GNG7: variants seen among roughly 807,000 people sequenced by gnomAD.
GNG7 encodes G protein subunit gamma 7.
A neutral mutation model predicts 4.0 loss-of-function variants in GNG7; 1 was observed. That is an observed-to-expected ratio of 0.25 (90% CI 0.09 to 1.18). GNG7 has a LOEUF of 1.18. GNG7 is among the 50% of genes most tolerant of loss of function. The pLI is 0.50. For synonymous variants in GNG7, 34 were observed against 36.9 expected, an observed-to-expected ratio of 0.92 and a Z score of 0.29; for missense variants, 86 against 91.9, an observed-to-expected ratio of 0.94 and a Z score of 0.26.
At chr19:2,690,306 G>A (rs1183950284) in intron 1 of GNG7, among the ~76,000 whole-genome samples, 1 of 150,478 alleles carries the variant, frequency 6.6e-6, no homozygotes, top group African/African-American at 2.5e-5. Flanking sequence ...GGCCTGAACC[G>A]GGAGGCAGAG....
chr19:2,626,734 T>C lies in GNG7; in HGVS notation c.-78+19490A>G, dbSNP rs981535515. Among the ~76,000 whole-genome samples, 4 of 152,142 alleles carry C rather than the reference T, an allele frequency of 2.6e-5. No individual in the cohort carries two copies. In the East Asian group the frequency reaches 7.7e-4, roughly 29 times the overall value. The stretch of plus-strand genomic sequence containing the variant: ...TGTCCCCTCAGGGGACACTGGGCGG[T>C]GTCGGGGGACATCTGTAATTGTCAT... On this transcript the variant is annotated intron_variant, in intron 2 of 4. Transcript: ENST00000382159. This position sits in a 1 kb window ranked among gnomAD's most constrained non-coding sequence, Gnocchi z 5.0.
chr19:2,695,490 A>G (rs1234330686), intron 1 of GNG7, among the ~76,000 whole-genome samples: 1 of 152,176 alleles, frequency 6.6e-6, no homozygotes, highest in East Asian at 1.9e-4. Context: ...AAATAGGCAC[A>G]CAACGGGCCT....
At chr19:2,571,795 C>T (rs1178823182) in intron 2 of GNG7, among the ~76,000 whole-genome samples, 1 of 151,574 alleles carries the variant, frequency 6.6e-6, no homozygotes, top group Admixed American at 6.6e-5. Flanking sequence ...GGGGTTTCAC[C>T]ATGTTGGCCA....
At chr19:2,658,022 T>G (rs894032851) in intron 1 of GNG7, among the ~76,000 whole-genome samples, 3 of 152,116 alleles carry the variant, frequency 2.0e-5, no homozygotes, top group African/African-American at 7.2e-5. Context: ...CCTTGTCTTG[T>G]ATCCAATAAA....
chr19:2,555,920 C>T (rs1276791382), intron 2 of GNG7, among the ~76,000 whole-genome samples: 1 of 151,466 alleles, frequency 6.6e-6, no homozygotes, highest in African/African-American at 2.4e-5. Context: ...GGGGGGCCCA[C>T]GGCCGTCTCC....
chr19:2,545,244 C>T (rs1979087220), intron 3 of GNG7, among the ~76,000 whole-genome samples: 1 of 152,086 alleles, frequency 6.6e-6, no homozygotes, highest in South Asian at 2.1e-4. Context: ...GGGTGGAGGC[C>T]AGGGATACTG....
chr19:2,685,152 T>G (rs1232280649), intron 1 of GNG7, among the ~76,000 whole-genome samples: 2 of 143,202 alleles, frequency 1.4e-5, no homozygotes, highest in African/African-American at 2.6e-5. Context: ...AAAAAGAAAA[T>G]AAAGTAGGAT....
intron 3 of GNG7, among the ~76,000 whole-genome samples, chr19:2,539,429 C>T (rs184875875): frequency 8.6e-5 from 13 of 151,950 alleles, no homozygotes; most frequent in Middle Eastern, 3.4e-3. Flanking sequence ...CTCAGCCTCC[C>T]GAGCAGCTGG....
chr19:2,557,219 A>C lies in GNG7; in HGVS notation c.-77-2031T>G. On this transcript the variant is annotated intron_variant, in intron 2 of 4. Transcript: ENST00000382159. This position sits in a 1 kb window ranked among gnomAD's most constrained non-coding sequence, Gnocchi z 5.1. ...CACACATTTGCATGCACACACAGAC[A>C]CACATGCACACACAGACGCACATGT... is the stretch of plus-strand genomic sequence containing the variant. Among the ~76,000 whole-genome samples the C allele has an allele frequency of 6.7e-6, 1 of 148,390 alleles. No homozygotes were observed. The highest frequency in any genetic ancestry group is 6.6e-5 in the Admixed American group (1 of 15,094).
intron 2 of GNG7, among the ~76,000 whole-genome samples, chr19:2,567,611 C>G (rs1979963286): frequency 6.6e-6 from 1 of 152,160 alleles, no homozygotes; most frequent in Non-Finnish European, 1.5e-5. Flanking sequence ...CAAGCGTGAG[C>G]CGCTGCACTG....
Position 2,609,532 on chromosome 19 carries a change from G to T in GNG7, c.-78+36692C>A, listed in dbSNP as rs1383437705. ...GGCTCTCTTCCGTGAGCCTTATTTT[G>T]GCCATTGCTGGAATCCCGTTGTGCA... On this transcript the variant is annotated intron_variant, in intron 2 of 4. Transcript: ENST00000382159. The surrounding 1 kb of genome is among the most constrained non-coding windows in gnomAD (Gnocchi z 4.4). Among the ~76,000 whole-genome samples, 1 of 152,058 alleles carries T rather than the reference G, an allele frequency of 6.6e-6. No homozygotes were observed. The highest frequency in any genetic ancestry group is 1.5e-5 in the Non-Finnish European group (1 of 68,026).
chr19:2,649,421 G>T (rs113425295), intron 1 of GNG7, among the ~76,000 whole-genome samples: 2 of 63,714 alleles, frequency 3.1e-5, no homozygotes, highest in Non-Finnish European at 7.0e-5. Context: ...TTTTTGAGAC[G>T]GAGTCTTGCT....
chr19:2,645,846 C>T (rs1982649967), intron 2 of GNG7, among the ~76,000 whole-genome samples: 1 of 152,136 alleles, frequency 6.6e-6, no homozygotes, highest in South Asian at 2.1e-4. Context: ...GCTAAAGGGC[C>T]AGCGACGGGT....
intron 2 of GNG7, among the ~76,000 whole-genome samples, chr19:2,645,149 T>C (rs2144859690): frequency 6.6e-6 from 1 of 152,280 alleles, no homozygotes; most frequent in East Asian, 1.9e-4. Flanking sequence ...GGAAGATCAC[T>C]TGAGCCACGG....
At position 2,565,545 on chromosome 19, in the gene GNG7, G is replaced by A. The variant is rs996352830; in HGVS notation, c.-77-10357C>T. Among the ~76,000 whole-genome samples the A allele has an allele frequency of 5.9e-5, 9 of 151,288 alleles. No individual in the cohort carries two copies. The East Asian group carries it at 7.7e-4, about 13-fold the overall frequency. Reference sequence around the variant, plus strand: ...AAAAACAAAAACAAAAGCTGTTTGCGTCAAAGGAAGGGTCGGTTAGTTCCT... The same window carrying A: ...AAAAACAAAAACAAAAGCTGTTTGCATCAAAGGAAGGGTCGGTTAGTTCCT... On this transcript the variant is annotated intron_variant, in intron 2 of 4. Coordinates refer to ENST00000382159, the MANE Select transcript of GNG7 (RefSeq NM_052847.3).
intron 4 of GNG7, 104 bp downstream of exon 4, chr19:2,520,504 C>G: frequency 1.5e-6 from 1 of 659,158 alleles, no homozygotes; most frequent in Non-Finnish European, 2.8e-6. Flanking sequence ...GCAAGAGACA[C>G]AGTTGGGGTG....
At chr19:2,616,551 C>T (rs959506760) in intron 2 of GNG7, among the ~76,000 whole-genome samples, 11 of 152,100 alleles carry the variant, frequency 7.2e-5, no homozygotes, top group African/African-American at 9.7e-5. Flanking sequence ...CCAAAGCGAG[C>T]GGATCACCTC....
In GNG7 at chr19:2,513,016, G is replaced by A. The variant is rs116711730; in HGVS notation, c.*2006C>T. The A allele has an allele frequency of 0.053, 51,819 of 985,388 alleles. 1,645 individuals are homozygous for A. The highest frequency in any genetic ancestry group is 0.14 in the African/African-American group (8,122 of 57,330). 61.0% of individuals were successfully genotyped at this position (985,388 alleles called of 1,614,324 possible). A position where few individuals can be genotyped will look rare whatever the true frequency, so the allele number is the denominator to read the frequency against. On this transcript the variant is annotated 3_prime_UTR_variant, in exon 5 of 5. Coordinates refer to ENST00000382159, the MANE Select transcript of GNG7 (RefSeq NM_052847.3). ...GCAGGTTTGGCGGGTAGGGCTCCCC[G>A]AAGCCCCAGCCCTCCCGGACCTGCC...
intron 1 of GNG7, among the ~76,000 whole-genome samples, chr19:2,650,163 A>C (rs1982772336): frequency 6.7e-6 from 1 of 150,300 alleles, no homozygotes; most frequent in Non-Finnish European, 1.5e-5. Context: ...TGCTGCTGTG[A>C]ATATTCGTGT....
Sources: gnomAD v4.1 joint callset for allele counts (sites outside exome capture counted in the v4.1 genomes callset) on GRCh38, gnomAD v4.1.1 for gene constraint, Gnocchi (gnomAD v3.1) non-coding constraint, MANE v1.5 for transcripts, NCBI Gene and HGNC (gene_info 2026-07-23, HGNC 2026-07-21) for gene names.